Variants in DTL observed in about 807,000 individuals in gnomAD.
The protein encoded by DTL is denticleless protein homolog.
In DTL, 46 loss-of-function variants were observed where a neutral mutation model predicts 87.0. The observed-to-expected ratio is 0.53, with a 90% CI of 0.42 to 0.68. The LOEUF (loss-of-function observed/expected upper bound fraction) is 0.68. DTL is among the 30% of genes least tolerant of loss of function. The pLI is 0.00. For missense variants in DTL, 737 were observed against 869.4 expected, an observed-to-expected ratio of 0.85 and a Z score of 1.91; for synonymous variants, 308 against 311.2, an observed-to-expected ratio of 0.99 and a Z score of 0.11.
At position 212,044,560 on chromosome 1, in the gene DTL, A is replaced by G. The variant is rs1432356889; in HGVS notation, c.179-100A>G. The G allele has an allele frequency of 1.3e-5, 9 of 672,802 alleles. 1 individual carries two copies. Among genetic ancestry groups the G allele is most frequent in the African/African-American group, 3.7e-5 (2 of 54,208 alleles). 41.7% of individuals were successfully genotyped at this position (672,802 alleles called of 1,614,324 possible). A position where few individuals can be genotyped will look rare whatever the true frequency, so the allele number is the denominator to read the frequency against. On this transcript the variant is annotated intron_variant, in intron 2 of 14. Transcript: ENST00000366991. ...TGGAGGTTGCAGTGAGCCAAACTGC[A>G]CTATTGCACTCCAGTCTGGGTGACA...
intron 9 of DTL, 45 bp downstream of exon 9, chr1:212,068,372 T>TAAAA (rs35528691): frequency 6.0e-5 from 57 of 952,262 alleles, no homozygotes; most frequent in South Asian, 1.9e-4. Flanking sequence ...AGTTTTTGTT[T>TAAAA]AAAAAAAAAA....
intron 13 of DTL, among the ~76,000 whole-genome samples, chr1:212,085,292 G>A (rs1655100783): frequency 6.6e-6 from 1 of 152,088 alleles, no homozygotes; most frequent in African/African-American, 2.4e-5. Flanking sequence ...TTTCTCTTAT[G>A]TTCTTGTCAA....
In DTL at chr1:212,074,836, A is replaced by G. The variant is rs377228825; in HGVS notation, c.1035+2623A>G. ...AAATAGAAGGGAGTTTTGTATCTTAAGACAGAAGAGAATGGCCTCTTAATC... is the reference window on the plus strand; with the variant it reads ...AAATAGAAGGGAGTTTTGTATCTTAGGACAGAAGAGAATGGCCTCTTAATC... On this transcript the variant is annotated intron_variant, in intron 11 of 14. Transcript: ENST00000366991. 8.7e-4 allele frequency among the ~76,000 whole-genome samples: 133 copies of G among 152,340 alleles called. 3 individuals are homozygous for G. In the South Asian group the frequency reaches 0.027, roughly 31 times the overall value.
rs36050858 is a variant in DTL at position 212,060,734 on chromosome 1, CAA to C, written c.461-2133_461-2132del. Among the ~76,000 whole-genome samples the C allele has an allele frequency of 5.3e-4, 48 of 90,562 alleles. 1 individual carries two copies. Among genetic ancestry groups the C allele is most frequent in the South Asian group, 2.7e-3 (8 of 3,004 alleles). The allele number at this position is 90,562 out of a possible 152,430, so 59.4% of individuals were successfully genotyped here. A position where few individuals can be genotyped will look rare whatever the true frequency, so the allele number is the denominator to read the frequency against. ...TGGTTGACACAGTGAGACTCAGTCT[CAA>C]AAAAAAAAAAAAAAAATCAAGATGG... On this transcript the variant is annotated intron_variant, in intron 5 of 14. Transcript: ENST00000366991.
In DTL at chr1:212,100,561, T is replaced by C; in HGVS notation, c.1571T>C (p.Ile524Thr). The C allele has an allele frequency of 6.2e-7, 1 of 1,613,932 alleles. No homozygotes were observed. The highest frequency in any genetic ancestry group is 8.5e-7 in the Non-Finnish European group (1 of 1,179,988). Residue 524 changes from isoleucine (I) to threonine (T), a missense_variant, in exon 14 of 15, where the codon ATC (isoleucine) becomes ACC (threonine). Transcript: ENST00000366991. ...PITPPASETK[I>T]MSPRKALIPV... is the part of the protein sequence containing the mutation. ...ACTCCACCTGCTTCGGAGACCAAGA[T>C]CATGTCTCCGAGAAAAGCCCTTATT... is the stretch of plus-strand genomic sequence containing the variant.
intron 14 of DTL, 48 bp downstream of exon 14, chr1:212,101,132 C>T: frequency 7.5e-7 from 1 of 1,331,222 alleles, no homozygotes; most frequent in Non-Finnish European, 1.0e-6. Flanking sequence ...TAAAAGGGGC[C>T]AGACACCCAG....
At chr1:212,096,872 C>G (rs1183297690) in intron 13 of DTL, among the ~76,000 whole-genome samples, 1 of 152,132 alleles carries the variant, frequency 6.6e-6, no homozygotes, top group Non-Finnish European at 1.5e-5. Flanking sequence ...GTAGAATGTT[C>G]TGTAAATACC....
rs1212497303 is a variant in DTL, at chr1:212,104,631, G to T, written c.*1691G>T. Reference sequence around the variant, plus strand: ...ATTGATAAAGTAGATGATTTTGTTTGTATCCCTACCCATCTCCTGGCAGCC... The same window carrying T: ...ATTGATAAAGTAGATGATTTTGTTTTTATCCCTACCCATCTCCTGGCAGCC... On this transcript the variant is annotated 3_prime_UTR_variant, in exon 15 of 15. Transcript: ENST00000366991. 1 of 152,080 alleles carries T rather than the reference G, an allele frequency of 6.6e-6. No homozygotes were observed. The highest frequency in any genetic ancestry group is 2.4e-5 in the African/African-American group (1 of 41,412). The allele number at this position is 152,080 out of a possible 1,614,324, so 9.4% of individuals were successfully genotyped here.
intron 10 of DTL, among the ~76,000 whole-genome samples, chr1:212,069,932 A>G (rs753032155): frequency 1.5e-4 from 23 of 152,184 alleles, no homozygotes; most frequent in Non-Finnish European, 2.8e-4. Flanking sequence ...CGGTGGCAGC[A>G]TCATAGTCTG....
chr1:212,090,479 G>GA (rs5780676), intron 13 of DTL, among the ~76,000 whole-genome samples: 145,319 of 152,316 alleles, frequency 0.95, 69,385 homozygotes, highest in East Asian at 1. Context: ...TTGTGACTGA[G>GA]AATAAATAAA....
chr1:212,100,746 T>C lies in DTL; in HGVS notation c.1756T>C (p.Leu586=), dbSNP rs745351321. Residue 586 remains leucine, a synonymous_variant, in exon 14 of 15, where the codon TTG becomes CTG. Coordinates refer to ENST00000366991, the MANE Select transcript of DTL (RefSeq NM_016448.4). ...ELDGQVENLH[L]DLCCLAGNQE... is the part of the protein sequence containing the mutation. ...TGATGGCCAAGTTGAAAATCTTCAT[T>C]TGGATCTGTGCTGCCTTGCTGGTAA... The C allele has an allele frequency of 1.2e-6, 2 of 1,614,084 alleles. No individual in the cohort carries two copies. Among genetic ancestry groups the C allele is most frequent in the Non-Finnish European group, 1.7e-6 (2 of 1,180,024 alleles).
chr1:212,047,380 C>T lies in DTL; in HGVS notation c.423C>T (p.Cys141=). 1.2e-6 allele frequency: 2 copies of T among 1,614,194 alleles called. No individual in the cohort carries two copies. Among genetic ancestry groups the T allele is most frequent in the South Asian group, 1.1e-5 (1 of 91,084 alleles). ...TTGGAACATGCAAAGGTCATCAATGCAGCCTCAAGTCAGTTGCCTTTTCTA... is the reference window on the plus strand; with the variant it reads ...TTGGAACATGCAAAGGTCATCAATGTAGCCTCAAGTCAGTTGCCTTTTCTA... ...ELIGTCKGHQ[C]SLKSVAFSKF... is the part of the protein sequence containing the mutation. The change falls in exon 5 of 15, where the codon TGC becomes TGT. Residue 141 remains cysteine (C), a synonymous_variant. Coordinates refer to ENST00000366991, the MANE Select transcript of DTL (RefSeq NM_016448.4).
intron 1 of DTL, 92 bp downstream of exon 1, chr1:212,036,034 G>A (rs1667441830): frequency 1.6e-6 from 2 of 1,258,910 alleles, no homozygotes; most frequent in Non-Finnish European, 2.3e-6. Context: ...CTCCAATTCT[G>A]AACTCAGCTT....
chr1:212,055,189 G>A (rs1558075230), intron 5 of DTL, among the ~76,000 whole-genome samples: 1 of 152,144 alleles, frequency 6.6e-6, no homozygotes, highest in Non-Finnish European at 1.5e-5. Context: ...AAGTAAAGCA[G>A]CCTGTTTGGC....
At chr1:212,061,273 A>G (rs974514617) in intron 5 of DTL, among the ~76,000 whole-genome samples, 21 of 151,980 alleles carry the variant, frequency 1.4e-4, no homozygotes, top group Non-Finnish European at 2.8e-4. Flanking sequence ...GTAGGCAAAG[A>G]CCATGAATAG....
chr1:212,087,618 A>G (rs958800523), intron 13 of DTL, among the ~76,000 whole-genome samples: 9 of 152,182 alleles, frequency 5.9e-5, no homozygotes, highest in African/African-American at 2.2e-4. Flanking sequence ...AGTTATGCCT[A>G]GATTACTCCA....
chr1:212,037,499 C>T (rs1401604279), intron 1 of DTL, among the ~76,000 whole-genome samples: 1 of 152,122 alleles, frequency 6.6e-6, no homozygotes, highest in African/African-American at 2.4e-5. Flanking sequence ...TAGATAGGCT[C>T]TTGGAAACTG....
At position 212,066,820 on chromosome 1, in the gene DTL, G is replaced by A; in HGVS notation, c.648G>A (p.Gln216=). The A allele has an allele frequency of 6.2e-7, 1 of 1,613,636 alleles. No individual in the cohort carries two copies. Among genetic ancestry groups the A allele is most frequent in the Non-Finnish European group, 8.5e-7 (1 of 1,179,594 alleles). The part of the protein sequence containing the change: ...SKGLAPSVDF[Q]QSVTVVLFQD... ...TTTTCTTGTGCTATCAGGATTTCCA[G>A]CAAAGTGTTACTGTGGTCCTCTTTC... Residue 216 remains glutamine (Q), a synonymous_variant, in exon 8 of 15, where the codon CAG becomes CAA. Coordinates refer to ENST00000366991, the MANE Select transcript of DTL (RefSeq NM_016448.4).
At chr1:212,050,011 A>G (rs1016630648) in intron 5 of DTL, among the ~76,000 whole-genome samples, 7 of 105,594 alleles carry the variant, frequency 6.6e-5, no homozygotes, top group Non-Finnish European at 1.4e-4. Flanking sequence ...ACCCTATAAG[A>G]AAACAGAAAA....
Sources: allele counts gnomAD v4.1 joint callset (sites outside exome capture counted in the v4.1 genomes callset), GRCh38; gene constraint gnomAD v4.1.1; transcripts MANE v1.5; gene names NCBI Gene and HGNC (gene_info 2026-07-23, HGNC 2026-07-21).